SYT14: variants seen among roughly 807,000 people sequenced by gnomAD.
The protein encoded by SYT14 is synaptotagmin-14.
Under a neutral mutation model 74.2 loss-of-function variants are expected in SYT14, and 32 were observed. That is an observed-to-expected ratio of 0.43 (90% CI 0.33 to 0.58). SYT14 has a LOEUF of 0.58. Ranked by LOEUF, SYT14 falls within the 20% of genes least tolerant of loss-of-function variation. The probability of loss-of-function intolerance (pLI) is 0.05; values close to 1 mark genes in which losing one functional copy is unlikely to be tolerated. For synonymous variants in SYT14, 298 were observed against 337.7 expected (o/e 0.88, Z 1.29); for missense variants, 791 against 981.8 (o/e 0.81, Z 2.60).
intron 5 of SYT14, among the ~76,000 whole-genome samples, chr1:210,056,431 G>C (rs1306543766): frequency 6.6e-6 from 1 of 152,102 alleles, no homozygotes; most frequent in Non-Finnish European, 1.5e-5. Context: ...CAGGGAATCA[G>C]AATGAGGAGG....
At chr1:210,099,494 T>A (rs1209822155) in intron 6 of SYT14, among the ~76,000 whole-genome samples, 1 of 152,184 alleles carries the variant, frequency 6.6e-6, no homozygotes, top group African/African-American at 2.4e-5. Flanking sequence ...TATTTCACAT[T>A]TCCATTGATT....
intron 1 of SYT14, among the ~76,000 whole-genome samples, chr1:209,951,915 T>C (rs910680423): frequency 2.0e-5 from 3 of 152,138 alleles, no homozygotes; most frequent in African/African-American, 7.2e-5. Flanking sequence ...TTGTATAAAT[T>C]TTTTAAGCAG....
Position 210,013,816 on chromosome 1 carries a change from C to T in SYT14, c.-321+19C>T, listed in dbSNP as rs771285836. On this transcript the variant is annotated intron_variant, in intron 3 of 9. Coordinates refer to ENST00000637265, the Ensembl canonical transcript of SYT14. ...AAAATTTGTAAGTATCGTATTGCTG[C>T]TTCTCTTGTTTGTTCTTTTTATCCG... is the stretch of plus-strand genomic sequence containing the variant. 6.2e-7 allele frequency: 1 copy of T among 1,607,092 alleles called. No individual in the cohort carries two copies. Among genetic ancestry groups the T allele is most frequent in the Non-Finnish European group, 8.5e-7 (1 of 1,177,288 alleles).
chr1:210,112,530 T>C (rs1275420819), intron 7 of SYT14, among the ~76,000 whole-genome samples: 1 of 150,884 alleles, frequency 6.6e-6, no homozygotes, highest in African/African-American at 2.5e-5. Context: ...TAAGTGGAAG[T>C]TGTAGTGGGG....
chr1:209,950,241 A>G (rs1036027750), intron 1 of SYT14, among the ~76,000 whole-genome samples: 3 of 152,194 alleles, frequency 2.0e-5, no homozygotes, highest in African/African-American at 7.2e-5. Context: ...ATAAGCCTTA[A>G]TATGTATGGA....
intron 2 of SYT14, among the ~76,000 whole-genome samples, chr1:209,984,997 T>C (rs1030138145): frequency 2.0e-5 from 3 of 152,172 alleles, no homozygotes; most frequent in African/African-American, 7.2e-5. Context: ...CCTCCAACAT[T>C]GGGGATTACA....
At chr1:210,016,940 A>G (rs2080196630) in exon 4 of SYT14, 1 of 1,231,694 alleles carries the variant, frequency 8.1e-7, no homozygotes, top group African/African-American at 1.6e-5. Context: ...AACTAATTCT[A>G]AAGATAAGTT....
chr1:209,976,429 G>A (rs1418579966), intron 2 of SYT14, among the ~76,000 whole-genome samples: 3 of 151,934 alleles, frequency 2.0e-5, no homozygotes, highest in Admixed American at 6.6e-5. Context: ...GTTTCAAAGA[G>A]CATCTTTACT....
intron 5 of SYT14, among the ~76,000 whole-genome samples, chr1:210,033,778 G>GA (rs1446116149): frequency 6.6e-6 from 1 of 151,690 alleles, no homozygotes; most frequent in African/African-American, 2.4e-5. Context: ...GTAGGTAAGT[G>GA]AAAAACGTAT....
chr1:209,949,874 T>C (rs1372431735), intron 1 of SYT14, among the ~76,000 whole-genome samples: 1 of 152,212 alleles, frequency 6.6e-6, no homozygotes, highest in Admixed American at 6.5e-5. Flanking sequence ...ATTTGGCAGC[T>C]AATTGACTGT....
intron 7 of SYT14, among the ~76,000 whole-genome samples, chr1:210,128,272 G>T (rs1024379839): frequency 6.6e-6 from 1 of 152,018 alleles, no homozygotes; most frequent in Non-Finnish European, 1.5e-5. Context: ...AGCTACTTGG[G>T]AGGCTGAGGT....
At chr1:209,971,702 T>A (rs1041581800) in intron 2 of SYT14, among the ~76,000 whole-genome samples, 1 of 152,250 alleles carries the variant, frequency 6.6e-6, no homozygotes, top group South Asian at 2.1e-4. Context: ...GATTTATGTA[T>A]GTTGGGCCAA....
rs574532910 is a variant in SYT14, at chr1:210,127,824, G to A, written c.2034+27363G>A. ...GTGGATCACCTGAGGTCAGTAGTTC[G>A]TGACCAGCCTGGCCAACATGGTGAA... On this transcript the variant is annotated intron_variant, in intron 7 of 9. Transcript: ENST00000637265. Among the ~76,000 whole-genome samples, 271 of 152,072 alleles carry A rather than the reference G, an allele frequency of 1.8e-3. 2 individuals are homozygous for A. Among genetic ancestry groups the A allele is most frequent in the African/African-American group, 6.3e-3 (263 of 41,472 alleles).
At chr1:210,016,977 A>G (rs2080197809) in exon 4 of SYT14, 1 of 1,231,876 alleles carries the variant, frequency 8.1e-7, no homozygotes, top group Non-Finnish European at 1.0e-6. Context: ...GAACAAATAA[A>G]TTCAACGAAA....
At chr1:210,125,475 G>T (rs945077111) in intron 7 of SYT14, among the ~76,000 whole-genome samples, 21 of 152,096 alleles carry the variant, frequency 1.4e-4, no homozygotes, top group Non-Finnish European at 3.1e-4. Context: ...TGCAATGGCC[G>T]TGAAGACTTT....
chr1:210,063,539 G>T (rs2081243525), intron 5 of SYT14, among the ~76,000 whole-genome samples: 1 of 151,828 alleles, frequency 6.6e-6, no homozygotes, highest in South Asian at 2.1e-4. Flanking sequence ...AATTTTGAAT[G>T]AGATCACATT....
At chr1:210,019,192 T>C (rs1028108389) in intron 4 of SYT14, among the ~76,000 whole-genome samples, 1 of 149,688 alleles carries the variant, frequency 6.7e-6, no homozygotes, top group Non-Finnish European at 1.5e-5. Flanking sequence ...AAATGTAGGT[T>C]ATGTTAGGTA....
chr1:210,154,936 A>G (rs2083238516), intron 7 of SYT14, among the ~76,000 whole-genome samples: 1 of 152,184 alleles, frequency 6.6e-6, no homozygotes, highest in South Asian at 2.1e-4. Flanking sequence ...CTACATCCTT[A>G]TGGTACTTAT....
intron 7 of SYT14, among the ~76,000 whole-genome samples, chr1:210,126,112 A>C (rs1336464961): frequency 6.6e-6 from 1 of 152,116 alleles, no homozygotes; most frequent in African/African-American, 2.4e-5. Context: ...CTGATACAGG[A>C]GAATTGCTTG....
Sources: allele counts gnomAD v4.1 joint callset (sites outside exome capture counted in the v4.1 genomes callset), GRCh38; gene constraint gnomAD v4.1.1; transcripts MANE v1.5; gene names NCBI Gene and HGNC (gene_info 2026-07-23, HGNC 2026-07-21).